Variants in MGAT5 observed in about 807,000 individuals in gnomAD.
MGAT5 encodes the protein alpha-1,6-mannosylglycoprotein 6-beta-N-acetylglucosaminyltransferase.
In MGAT5, 30 loss-of-function variants were observed where a neutral mutation model predicts 94.3. The ratio of observed to expected loss-of-function variants is 0.32; its 90% CI spans 0.24 to 0.43. The LOEUF (loss-of-function observed/expected upper bound fraction) is 0.43. Among genes scored for constraint, MGAT5 ranks in the 20% least tolerant of loss-of-function variants. The pLI is 1.00. For missense variants in MGAT5, 691 were observed against 905.5 expected, an observed-to-expected ratio of 0.76 and a Z score of 3.04; for synonymous variants, 310 against 322.9, an observed-to-expected ratio of 0.96 and a Z score of 0.43.
intron 2 of MGAT5, among the ~76,000 whole-genome samples, chr2:134,305,399 A>G (rs1019847392): frequency 1.3e-5 from 2 of 152,196 alleles, no homozygotes; most frequent in Admixed American, 6.5e-5. Context: ...GAAAGTGGGC[A>G]TTGTGTGATA....
At chr2:134,389,031 G>A (rs181090849) in intron 10 of MGAT5, among the ~76,000 whole-genome samples, 43 of 152,058 alleles carry the variant, frequency 2.8e-4, no homozygotes, top group Admixed American at 2.0e-3. Flanking sequence ...AAAGTGCTGG[G>A]ATTGGCCTCC....
At chr2:134,264,528 T>C (rs943259771) in intron 1 of MGAT5, among the ~76,000 whole-genome samples, 43 of 152,190 alleles carry the variant, frequency 2.8e-4, no homozygotes, top group Non-Finnish European at 3.5e-4. Flanking sequence ...CTTTTTATTT[T>C]GTGTTTGGGT....
intron 10 of MGAT5, among the ~76,000 whole-genome samples, chr2:134,375,532 A>C (rs1419773225): frequency 6.6e-6 from 1 of 152,200 alleles, no homozygotes; most frequent in East Asian, 1.9e-4. Context: ...TAAAGATGAA[A>C]TGTGTTGGTT....
chr2:134,129,093 G>A (rs941366078), intron 1 of MGAT5, among the ~76,000 whole-genome samples: 1 of 152,154 alleles, frequency 6.6e-6, no homozygotes, highest in Non-Finnish European at 1.5e-5. Context: ...AATTCTGTAG[G>A]TCAGAGGTCC....
Position 134,333,890 on chromosome 2 carries a change from G to A in MGAT5, c.574-2327G>A, listed in dbSNP as rs1003690391. Among the ~76,000 whole-genome samples, 5 of 152,196 alleles carry A rather than the reference G, an allele frequency of 3.3e-5. No individual in the cohort carries two copies. The South Asian group carries it at 8.3e-4, about 25-fold the overall frequency. On this transcript the variant is annotated intron_variant, in intron 4 of 15. Transcript: ENST00000281923. ...TCCGAGGTTTCCCAGAGAAAGAAAT[G>A]CTTTGTTTTGTTTTTCCCTTCTCCC... is the stretch of plus-strand genomic sequence containing the variant.
chr2:134,385,915 C>T (rs921122148), intron 10 of MGAT5, among the ~76,000 whole-genome samples: 9 of 152,022 alleles, frequency 5.9e-5, no homozygotes, highest in Non-Finnish European at 1.2e-4. Context: ...AAAATAAGGT[C>T]ATATTGGTTC....
chr2:134,389,226 T>C (rs1226913874), intron 10 of MGAT5, among the ~76,000 whole-genome samples: 1 of 152,234 alleles, frequency 6.6e-6, no homozygotes, highest in Non-Finnish European at 1.5e-5. Flanking sequence ...CTAGTGATAG[T>C]CTAATTAAGT....
intron 1 of MGAT5, among the ~76,000 whole-genome samples, chr2:134,147,026 A>C (rs1686951839): frequency 6.6e-6 from 1 of 152,174 alleles, no homozygotes; most frequent in African/African-American, 2.4e-5. Context: ...TTAAAAAAAA[A>C]CCCTTTTAAT....
At chr2:134,126,051 C>T (rs1010410385) in intron 1 of MGAT5, among the ~76,000 whole-genome samples, 5 of 152,192 alleles carry the variant, frequency 3.3e-5, no homozygotes, top group South Asian at 2.1e-4. Flanking sequence ...AAGACATTCC[C>T]GCAGTGTCTG....
At chr2:134,445,617 CTTTTTT>C (rs3838504) in intron 15 of MGAT5, among the ~76,000 whole-genome samples, 20,533 of 152,114 alleles carry the variant, frequency 0.13, 2,132 homozygotes, top group African/African-American at 0.28. Flanking sequence ...GAGGCTTTGC[CTTTTTT>C]TATTCTTCAA....
At chr2:134,346,322 A>G (rs1017221830) in intron 8 of MGAT5, among the ~76,000 whole-genome samples, 1 of 152,156 alleles carries the variant, frequency 6.6e-6, no homozygotes, top group South Asian at 2.1e-4. Flanking sequence ...GTTGATTGGT[A>G]TTTGATTTCT....
Position 134,381,382 on chromosome 2 carries a change from TTAGATAGA to T in MGAT5, c.1380+19018_1380+19025del, listed in dbSNP as rs61246431. On this transcript the variant is annotated intron_variant, in intron 10 of 15. Coordinates refer to ENST00000281923, the MANE Select transcript of MGAT5 (RefSeq NM_002410.5). ...AGATAGATAGATAAGATAAGATAGATTAGATAGATAGATAGATAGATAGATAGATAGAT... is the reference window on the plus strand; with the variant it reads ...AGATAGATAGATAAGATAAGATAGATTAGATAGATAGATAGATAGATAGAT... Among the ~76,000 whole-genome samples, 333 of 108,486 alleles carry T rather than the reference TTAGATAGA, an allele frequency of 3.1e-3. 3 individuals carry two copies. Among genetic ancestry groups the T allele is most frequent in the African/African-American group, 7.8e-3 (236 of 30,282 alleles). 71.2% of individuals were successfully genotyped at this position (108,486 alleles called of 152,430 possible). A position where few individuals can be genotyped will look rare whatever the true frequency, so the allele number is the denominator to read the frequency against.
chr2:134,130,359 CG>C (rs1306269762), intron 1 of MGAT5, among the ~76,000 whole-genome samples: 2 of 152,220 alleles, frequency 1.3e-5, no homozygotes, highest in African/African-American at 2.4e-5. Context: ...TCTGCTGCGC[CG>C]GGTCCCATTG....
At chr2:134,255,502 T>G (rs1384519877) in intron 1 of MGAT5, among the ~76,000 whole-genome samples, 1 of 150,014 alleles carries the variant, frequency 6.7e-6, no homozygotes, top group African/African-American at 2.4e-5. Context: ...TATACACATA[T>G]ATACACATAT....
chr2:134,151,322 C>T (rs1229019436), intron 1 of MGAT5, among the ~76,000 whole-genome samples: 120 of 106,310 alleles, frequency 1.1e-3, no homozygotes, highest in Middle Eastern at 9.3e-3. Flanking sequence ...CCTCACTCAC[C>T]CATGCCCTGT....
At chr2:134,192,201 C>A (rs182459319) in intron 1 of MGAT5, among the ~76,000 whole-genome samples, 2 of 151,914 alleles carry the variant, frequency 1.3e-5, no homozygotes, top group African/African-American at 2.4e-5. Flanking sequence ...CTTTTTTCTT[C>A]TGCTTGCGCG....
intron 4 of MGAT5, among the ~76,000 whole-genome samples, chr2:134,333,328 G>A (rs1199467246): frequency 6.6e-6 from 1 of 150,418 alleles, no homozygotes; most frequent in Non-Finnish European, 1.5e-5. Context: ...GTAAACTATT[G>A]CAAGGACACA....
intron 4 of MGAT5, among the ~76,000 whole-genome samples, chr2:134,333,337 C>G (rs1268786701): frequency 6.8e-6 from 1 of 147,628 alleles, no homozygotes; most frequent in Non-Finnish European, 1.5e-5. Context: ...TGCAAGGACA[C>G]AAAACCAAAC....
At chr2:134,321,007 C>T (rs1402458122) in intron 4 of MGAT5, among the ~76,000 whole-genome samples, 1 of 152,126 alleles carries the variant, frequency 6.6e-6, no homozygotes, top group African/African-American at 2.4e-5. Flanking sequence ...TGGAAATGAA[C>T]AGCTCTGAGA....
Sources: gnomAD v4.1 joint callset for allele counts (sites outside exome capture counted in the v4.1 genomes callset) on GRCh38, gnomAD v4.1.1 for gene constraint, MANE v1.5 for transcripts, NCBI Gene and HGNC (gene_info 2026-07-23, HGNC 2026-07-21) for gene names.